Variants in ULK4 observed in about 807,000 individuals in gnomAD.
The protein encoded by ULK4 is unc-51 like kinase 4.
ULK4 carries 133 observed loss-of-function variants against 160.6 expected under a neutral mutation model. The ratio of observed to expected loss-of-function variants is 0.83; its 90% confidence interval spans 0.72 to 0.96. ULK4 has a LOEUF of 0.96. Among genes scored for constraint, ULK4 ranks in the 40% least tolerant of loss-of-function variants. The probability of loss-of-function intolerance (pLI) is 0.00; values close to 1 mark genes in which losing one functional copy is unlikely to be tolerated. For synonymous variants in ULK4, 534 were observed against 539.8 expected, an observed-to-expected ratio of 0.99 and a Z score of 0.15; for missense variants, 1,580 against 1,499.5, an observed-to-expected ratio of 1.05 and a Z score of -0.89.
At chr3:41,329,402 A>G (rs1167382404) in intron 35 of ULK4, among the ~76,000 whole-genome samples, 1 of 152,208 alleles carries the variant, frequency 6.6e-6, no homozygotes. Context: ...CAGGAACTTT[A>G]ATTCTAGACA....
intron 27 of ULK4, among the ~76,000 whole-genome samples, chr3:41,691,628 T>C (rs150853448): frequency 9.1e-4 from 139 of 151,994 alleles, no homozygotes; most frequent in East Asian, 8.1e-3. Flanking sequence ...TATCTATTTA[T>C]TTATTTCCTT....
chr3:41,530,429 T>C (rs2086264902), intron 32 of ULK4, among the ~76,000 whole-genome samples: 1 of 152,186 alleles, frequency 6.6e-6, no homozygotes, highest in South Asian at 2.1e-4. Context: ...AAAATGATTA[T>C]TTTGGTGGTA....
intron 34 of ULK4, among the ~76,000 whole-genome samples, chr3:41,454,859 AT>A (rs200937637): frequency 0.02 from 2,994 of 148,516 alleles, 93 homozygotes; most frequent in African/African-American, 0.069. Flanking sequence ...CGCCTGGCTA[AT>A]TTTTTTTTTG....
intron 31 of ULK4, among the ~76,000 whole-genome samples, chr3:41,576,134 A>G (rs1172173823): frequency 1.3e-5 from 2 of 152,236 alleles, no homozygotes; most frequent in Non-Finnish European, 2.9e-5. Context: ...ATCCAGACAC[A>G]CAACTCCTTC....
intron 16 of ULK4, among the ~76,000 whole-genome samples, chr3:41,884,507 C>A (rs1266781701): frequency 2.0e-5 from 3 of 152,132 alleles, no homozygotes; most frequent in African/African-American, 7.2e-5. Flanking sequence ...GGATAAATTA[C>A]TATTAAATGA....
chr3:41,586,760 T>G (rs1265454648), intron 31 of ULK4, among the ~76,000 whole-genome samples: 1 of 152,132 alleles, frequency 6.6e-6, no homozygotes, highest in Non-Finnish European at 1.5e-5. Context: ...CTATTTTTGT[T>G]TCTTCAATAT....
intron 35 of ULK4, among the ~76,000 whole-genome samples, chr3:41,262,950 G>T (rs2078972065): frequency 6.6e-6 from 1 of 152,126 alleles, no homozygotes; most frequent in Admixed American, 6.5e-5. Context: ...TTATGATGTG[G>T]ACTTTTTGTA....
At position 41,691,826 on chromosome 3, in the gene ULK4, A is replaced by G. The variant is rs112591570; in HGVS notation, c.2782-10022T>C. On this transcript the variant is annotated intron_variant, in intron 27 of 36. Coordinates refer to ENST00000301831, the MANE Select transcript of ULK4 (RefSeq NM_017886.4). ...CTCAATCTGCATTTTGAGAAATCAA[A>G]TTAAAATTGTACGCTTTAATGACAA... 9.5e-3 allele frequency among the ~76,000 whole-genome samples: 1,450 copies of G among 151,912 alleles called. 32 individuals are homozygous for G. Among genetic ancestry groups the G allele is most frequent in the African/African-American group, 0.033 (1,356 of 41,510 alleles).
intron 32 of ULK4, among the ~76,000 whole-genome samples, chr3:41,544,517 A>G (rs1417559472): frequency 6.6e-6 from 1 of 152,218 alleles, no homozygotes; most frequent in African/African-American, 2.4e-5. Flanking sequence ...AGCCTTCTGT[A>G]TTCCCCAGGA....
At chr3:41,629,693 TA>T (rs1355239172) in intron 30 of ULK4, among the ~76,000 whole-genome samples, 2 of 152,128 alleles carry the variant, frequency 1.3e-5, no homozygotes, top group African/African-American at 4.8e-5. Flanking sequence ...TAGAAAAATT[TA>T]AAACTGCTTC....
At chr3:41,676,538 T>C (rs922769684) in intron 29 of ULK4, among the ~76,000 whole-genome samples, 1 of 152,074 alleles carries the variant, frequency 6.6e-6, no homozygotes, top group African/African-American at 2.4e-5. Context: ...GGCTTCAATA[T>C]AAACTTAATA....
intron 32 of ULK4, among the ~76,000 whole-genome samples, chr3:41,492,465 G>T (rs1369211715): frequency 6.6e-6 from 1 of 151,116 alleles, no homozygotes; most frequent in Non-Finnish European, 1.5e-5. Flanking sequence ...ACCAGCCACT[G>T]CAAAATCATG....
At chr3:41,757,023 T>C (rs943988547) in intron 21 of ULK4, among the ~76,000 whole-genome samples, 9 of 150,176 alleles carry the variant, frequency 6.0e-5, no homozygotes, top group African/African-American at 2.3e-4. Context: ...AAATGCCACA[T>C]AGAAATAGAA....
In ULK4 at chr3:41,916,072, C is replaced by T; in HGVS notation, c.728-20G>A. The T allele has an allele frequency of 6.6e-7, 1 of 1,508,674 alleles. No homozygotes were observed. 93.5% of individuals were successfully genotyped at this position (1,508,674 alleles called of 1,614,324 possible). On this transcript the variant is annotated intron_variant, in intron 7 of 36. Coordinates refer to ENST00000301831, the MANE Select transcript of ULK4 (RefSeq NM_017886.4). ...AAGAATCTATAAATGAATTAATTTC[C>T]AAGAAAAAATGATAAGTAGTAAATA...
At chr3:41,762,409 GA>G (rs1434280008) in intron 21 of ULK4, among the ~76,000 whole-genome samples, 4 of 151,646 alleles carry the variant, frequency 2.6e-5, no homozygotes, top group Non-Finnish European at 5.9e-5. Flanking sequence ...TAAAAAATAA[GA>G]AAAAAAGTAA....
chr3:41,635,820 T>C (rs1192327400), intron 30 of ULK4, among the ~76,000 whole-genome samples: 2 of 152,244 alleles, frequency 1.3e-5, no homozygotes, highest in Admixed American at 6.5e-5. Flanking sequence ...CTGTTAGATA[T>C]ATTATATCAG....
At chr3:41,859,455 G>A in intron 17 of ULK4, 1 of 555,438 alleles carries the variant, frequency 1.8e-6, no homozygotes, top group Non-Finnish European at 3.6e-6. Context: ...AGAGATAGCA[G>A]AAACCTGGAC....
rs936710859 is a variant in ULK4 at position 41,639,781 on chromosome 3, T to G, written c.3071+23826A>C. 3.7e-4 allele frequency among the ~76,000 whole-genome samples: 57 copies of G among 152,206 alleles called. 1 individual carries two copies. Among genetic ancestry groups the G allele is most frequent in the Non-Finnish European group, 7.3e-5 (5 of 68,036 alleles). ...TATATATTGCCCACCATTAATATTC[T>G]GGTCTAAGGCAACTGTCATTTTTAT... On this transcript the variant is annotated intron_variant, in intron 30 of 36. Coordinates refer to ENST00000301831, the MANE Select transcript of ULK4 (RefSeq NM_017886.4).
chr3:41,882,224 T>C, intron 17 of ULK4: 2 of 703,018 alleles, frequency 2.8e-6, no homozygotes, highest in Non-Finnish European at 5.2e-6. Flanking sequence ...GTCTAGGCAC[T>C]GGAGTGGAGT....
Sources: gnomAD v4.1 joint callset for allele counts (sites outside exome capture counted in the v4.1 genomes callset) on GRCh38, gnomAD v4.1.1 for gene constraint, MANE v1.5 for transcripts, NCBI Gene and HGNC (gene_info 2026-07-23, HGNC 2026-07-21) for gene names.